CDC42BPG: variants seen among roughly 807,000 people sequenced by gnomAD.
The protein encoded by CDC42BPG is CDC42 binding protein kinase gamma, also known as serine/threonine-protein kinase MRCK gamma.
A neutral mutation model predicts 192.2 loss-of-function variants in CDC42BPG; 157 were observed. That is an observed-to-expected ratio of 0.82 (90% confidence interval 0.72 to 0.93). The LOEUF (loss-of-function observed/expected upper bound fraction) is 0.93. CDC42BPG is among the 40% of genes least tolerant of loss of function. CDC42BPG has a pLI of 0.00. For synonymous variants in CDC42BPG, 981 were observed against 918.5 expected (o/e 1.07, Z -1.23); for missense variants, 1,992 against 2,122.1 (o/e 0.94, Z 1.20).
At chr11:64,829,393 T>C (rs561691764) in intron 30 of CDC42BPG, 78 bp downstream of exon 30, 8 of 1,538,504 alleles carry the variant, frequency 5.2e-6, no homozygotes, top group African/African-American at 1.4e-5. Flanking sequence ...GCCAGGCTCA[T>C]GAGTTGAGGC....
At chr11:64,840,492 C>T in intron 4 of CDC42BPG, 61 bp downstream of exon 4, 1 of 1,548,128 alleles carries the variant, frequency 6.5e-7, no homozygotes, top group Non-Finnish European at 8.9e-7. Flanking sequence ...TGCCCCTGGC[C>T]CCAAGGGCCC....
rs372786000 is a variant in CDC42BPG, at chr11:64,834,812, G to C, written c.2175+37C>G. ...TGAGCTCACGGAAGGTCAGTGACTT[G>C]CCCAAGCCAGCCCCCAGGGGCATCT... On this transcript the variant is annotated intron_variant, in intron 18 of 36. Transcript: ENST00000342711. 9.1e-5 allele frequency: 144 copies of C among 1,587,914 alleles called. No homozygotes were observed. In the African/African-American group the frequency reaches 1.7e-3, roughly 19 times the overall value.
chr11:64,829,174 T>G (rs1942568915), intron 30 of CDC42BPG, among the ~76,000 whole-genome samples: 1 of 151,922 alleles, frequency 6.6e-6, no homozygotes, highest in African/African-American at 2.4e-5. Flanking sequence ...GAGTCGAGAT[T>G]GTGCCACTGT....
In CDC42BPG at chr11:64,841,630, C is replaced by T. The variant is rs780750864; in HGVS notation, c.336+20G>A. Reference sequence around the variant, plus strand: ...ACCCATTTGTAGGGTGCCCAAGGGCCCCCCAGACTCCACACTGACCTCAGC... The same window carrying T: ...ACCCATTTGTAGGGTGCCCAAGGGCTCCCCAGACTCCACACTGACCTCAGC... On this transcript the variant is annotated intron_variant, in intron 3 of 36. Coordinates refer to ENST00000342711, the MANE Select transcript of CDC42BPG (RefSeq NM_017525.3). 38 of 1,606,580 alleles carry T rather than the reference C, an allele frequency of 2.4e-5. No individual in the cohort carries two copies. The highest frequency in any genetic ancestry group is 3.2e-5 in the Non-Finnish European group (38 of 1,174,038).
rs760618456 is a variant in CDC42BPG, at chr11:64,830,254, G to C, written c.3307C>G (p.Gln1103Glu). The change falls in exon 29 of 37, where the codon CAG becomes GAG. Residue 1103 changes from glutamine (Q) to glutamate (E), a missense_variant and splice_region_variant. This residue lies in a region of CDC42BPG where 1,656 missense variants were observed against 1,844.3 expected (regional missense o/e 0.90). Coordinates refer to ENST00000342711, the MANE Select transcript of CDC42BPG (RefSeq NM_017525.3). The stretch of plus-strand genomic sequence containing the variant: ...TCGGTGCCAAGCGCAAGTCGATCCT[G>C]GTCTGGTAGAGGGAGGCAGAGGGTC... Reference protein sequence around the residue: ...PHTLCAAILDQDRLALGTEEG... With the variant: ...PHTLCAAILDEDRLALGTEEG... 6.2e-7 allele frequency: 1 copy of C among 1,606,950 alleles called. No homozygotes were observed. Among genetic ancestry groups the C allele is most frequent in the Non-Finnish European group, 8.5e-7 (1 of 1,176,734 alleles).
chr11:64,831,775 C>T (rs1942705222), intron 27 of CDC42BPG, 54 bp from the exon 28 acceptor site: 2 of 1,481,248 alleles, frequency 1.4e-6, no homozygotes, highest in African/African-American at 1.4e-5. Context: ...TCTGTCCTCC[C>T]TCCCTTCCTG....
At chr11:64,826,079 A>AAT (rs1371652844) in intron 36 of CDC42BPG, among the ~76,000 whole-genome samples, 1 of 150,972 alleles carries the variant, frequency 6.6e-6, no homozygotes, top group Non-Finnish European at 1.5e-5. Context: ...AAAAAAAAAA[A>AAT]AAAAAAGAAT....
rs567599241 is a variant in CDC42BPG, at chr11:64,836,982, G to C, written c.1243C>G (p.Leu415Val). The change falls in exon 10 of 37, where the codon CTG becomes GTG. Residue 415 changes from leucine (L) to valine (V), a missense_variant. Leu to Val is a conservative substitution (Grantham distance 32). This residue lies in a region of CDC42BPG where 1,656 missense variants were observed against 1,844.3 expected (regional missense o/e 0.90). Transcript: ENST00000342711. ...PESSSEAWAA[L>V]ERKLQCLEQE... is the part of the protein sequence containing the mutation. Reference sequence around the variant, plus strand: ...TCCAGACACTGGAGCTTCCGCTCCAGGGCAGCCCAAGCCTCAGAGCTGCTC... The same window carrying C: ...TCCAGACACTGGAGCTTCCGCTCCACGGCAGCCCAAGCCTCAGAGCTGCTC... 6.2e-7 allele frequency: 1 copy of C among 1,613,610 alleles called. No homozygotes were observed. Among genetic ancestry groups the C allele is most frequent in the African/African-American group, 1.3e-5 (1 of 75,058 alleles).
At chr11:64,834,024 A>C (rs1171153384) in intron 20 of CDC42BPG, 47 bp from the exon 21 acceptor site, 1 of 1,612,026 alleles carries the variant, frequency 6.2e-7, no homozygotes, top group African/African-American at 1.3e-5. Flanking sequence ...TGGCCTGAGG[A>C]ACTAGGGTCC....
In CDC42BPG at chr11:64,824,364, T is replaced by C. The variant is rs888759400; in HGVS notation, c.*109A>G. ...GTCATTGCCCAGCCCGGGTCCTCCC[T>C]GAGTCCGAATTTCCATGTCCCGGAC... is the stretch of plus-strand genomic sequence containing the variant. On this transcript the variant is annotated 3_prime_UTR_variant, in exon 37 of 37. Coordinates refer to ENST00000342711, the MANE Select transcript of CDC42BPG (RefSeq NM_017525.3). 3.3e-5 allele frequency: 28 copies of C among 860,442 alleles called. No individual in the cohort carries two copies. Among genetic ancestry groups the C allele is most frequent in the Non-Finnish European group, 5.3e-5 (26 of 493,472 alleles). The allele number at this position is 860,442 out of a possible 1,614,324, so 53.3% of individuals were successfully genotyped here.
Position 64,826,501 on chromosome 11 carries a change from C to T in CDC42BPG, c.4568G>A (p.Gly1523Glu), listed in dbSNP as rs1219422090. 6.2e-7 allele frequency: 1 copy of T among 1,604,532 alleles called. No homozygotes were observed. Among genetic ancestry groups the T allele is most frequent in the Non-Finnish European group, 8.5e-7 (1 of 1,175,872 alleles). ...TAGGGAGGTTGCAGGGCTCAGCGATCCCTGGGGGCAGGACACAGACTCGCT... is the reference window on the plus strand; with the variant it reads ...TAGGGAGGTTGCAGGGCTCAGCGATTCCTGGGGGCAGGACACAGACTCGCT... ...LSSESVSCPQ[G>E]SLSPATSLMQ... The change falls in exon 36 of 37, where the codon GGA (glycine) becomes GAA (glutamate). Residue 1523 changes from glycine to glutamate, a missense_variant. Physicochemically the swap from Gly to Glu is moderately conservative, Grantham distance 98. Coordinates refer to ENST00000342711, the MANE Select transcript of CDC42BPG (RefSeq NM_017525.3).
intron 15 of CDC42BPG, 25 bp downstream of exon 15, chr11:64,835,475 C>G: frequency 6.2e-7 from 1 of 1,608,188 alleles, no homozygotes; most frequent in Non-Finnish European, 8.5e-7. Flanking sequence ...CCCGGCCCCT[C>G]CCTGCCACCA....
rs1942838576 is a variant in CDC42BPG, at chr11:64,833,901, C to T, written c.2466+24G>A. Reference sequence around the variant, plus strand: ...TGCCTCTCCCAGAACTTCTCCCCAACAAGCCCCTTGGCCTGGTCCTTACCT... The same window carrying T: ...TGCCTCTCCCAGAACTTCTCCCCAATAAGCCCCTTGGCCTGGTCCTTACCT... On this transcript the variant is annotated intron_variant, in intron 21 of 36. Coordinates refer to ENST00000342711, the MANE Select transcript of CDC42BPG (RefSeq NM_017525.3). 3.1e-6 allele frequency: 5 copies of T among 1,614,250 alleles called. No individual in the cohort carries two copies. The East Asian group carries it at 1.1e-4, about 36-fold the overall frequency.
chr11:64,842,492 C>A (rs1943324052), intron 1 of CDC42BPG, among the ~76,000 whole-genome samples: 1 of 152,180 alleles, frequency 6.6e-6, no homozygotes, highest in South Asian at 2.1e-4. Flanking sequence ...GCCCCTCAGG[C>A]TGGAGGCATG....
chr11:64,835,148 T>C lies in CDC42BPG; in HGVS notation c.1959A>G (p.Glu653=), dbSNP rs1481687268. 6.2e-7 allele frequency: 1 copy of C among 1,601,910 alleles called. No homozygotes were observed. Among genetic ancestry groups the C allele is most frequent in the African/African-American group, 1.3e-5 (1 of 74,924 alleles). Residue 653 remains glutamate (E), a synonymous_variant, in exon 17 of 37, where the codon GAA becomes GAG. Transcript: ENST00000342711. ...RRLSREQERL[E]AELAQEQESK... ...TCTCCTGCTCCTGGGCCAGCTCTGCTTCTAGCTGGGGCCGGCCAGAGGAAA... is the reference window on the plus strand; with the variant it reads ...TCTCCTGCTCCTGGGCCAGCTCTGCCTCTAGCTGGGGCCGGCCAGAGGAAA...
chr11:64,836,748 T>A lies in CDC42BPG; in HGVS notation c.1375A>T (p.Arg459Trp). The A allele has an allele frequency of 8.1e-7, 1 of 1,231,764 alleles. No homozygotes were observed. Among genetic ancestry groups the A allele is most frequent in the Non-Finnish European group, 1.1e-6 (1 of 886,872 alleles). The allele number at this position is 1,231,764 out of a possible 1,614,324, so 76.3% of individuals were successfully genotyped here. A position where few individuals can be genotyped will look rare whatever the true frequency, so the allele number is the denominator to read the frequency against. ...TGGGCGGAAGGGATACCTGGCAGCCTGTCCCGCAGAGTCTGCACTTCCTTC... is the reference window on the plus strand; with the variant it reads ...TGGGCGGAAGGGATACCTGGCAGCCAGTCCCGCAGAGTCTGCACTTCCTTC... Reference protein sequence around the residue: ...LRKEVQTLRDRLPEMLRDKAS... With the variant: ...LRKEVQTLRDWLPEMLRDKAS... Residue 459 changes from arginine (R) to tryptophan (W), a missense_variant, in exon 11 of 37, where the codon AGG becomes TGG. This residue lies in a region of CDC42BPG where 1,656 missense variants were observed against 1,844.3 expected (regional missense o/e 0.90). Transcript: ENST00000342711.
intron 5 of CDC42BPG, among the ~76,000 whole-genome samples, chr11:64,839,874 G>A (rs942620630): frequency 6.6e-6 from 1 of 152,172 alleles, no homozygotes; most frequent in African/African-American, 2.4e-5. Flanking sequence ...CCCGAGAGCC[G>A]AGTCACCTTG....
At chr11:64,843,758 G>A (rs762811322) in intron 1 of CDC42BPG, among the ~76,000 whole-genome samples, 1 of 152,158 alleles carries the variant, frequency 6.6e-6, no homozygotes, top group Non-Finnish European at 1.5e-5. Context: ...CCCCCTCCCC[G>A]GCCCCGGCGC....
At position 64,827,696 on chromosome 11, in the gene CDC42BPG, G is replaced by A. The variant is rs143418958; in HGVS notation, c.4055C>T (p.Pro1352Leu). Residue 1352 changes from proline to leucine, a missense_variant, in exon 31 of 37, where the codon CCG becomes CTG. Physicochemically the swap from Pro to Leu is moderately conservative, Grantham distance 98. This residue lies in a region of CDC42BPG where 1,656 missense variants were observed against 1,844.3 expected (regional missense o/e 0.90). Transcript: ENST00000342711. The part of the protein sequence containing the change: ...VRRAEWVQTV[P>L]LKKVRPLNPE... ...CTGGCGGACCCTCACCTTCTTGAGC[G>A]GCACGGTCTGCACCCATTCTGCCCT... The A allele has an allele frequency of 1.1e-5, 17 of 1,611,414 alleles. No individual in the cohort carries two copies. Among genetic ancestry groups the A allele is most frequent in the African/African-American group, 6.7e-5 (5 of 74,858 alleles).
Sources: gnomAD v4.1 joint callset for allele counts (sites outside exome capture counted in the v4.1 genomes callset) on GRCh38, gnomAD v4.1.1 for gene constraint, gnomAD v4.1.1 regional missense constraint, MANE v1.5 for transcripts, NCBI Gene and HGNC (gene_info 2026-07-23, HGNC 2026-07-21) for gene names.